DSE: variants seen among roughly 807,000 people sequenced by gnomAD.
DSE encodes dermatan sulfate epimerase.
A neutral mutation model predicts 84.4 loss-of-function variants in DSE; 36 were observed. That is an observed-to-expected ratio of 0.43 (90% CI 0.33 to 0.56). The LOEUF (loss-of-function observed/expected upper bound fraction) is 0.56, where lower values mean the gene tolerates loss of function less well. DSE is among the 20% of genes least tolerant of loss of function. The probability of loss-of-function intolerance (pLI) is 0.06; values close to 1 mark genes in which losing one functional copy is unlikely to be tolerated. For synonymous variants in DSE, 410 were observed against 430.1 expected, an observed-to-expected ratio of 0.95 and a Z score of 0.58; for missense variants, 862 against 1,169.6, an observed-to-expected ratio of 0.74 and a Z score of 3.84.
chr6:116,407,600 G>A (rs1782017694), intron 2 of DSE, among the ~76,000 whole-genome samples: 1 of 152,052 alleles, frequency 6.6e-6, no homozygotes, highest in Non-Finnish European at 1.5e-5. Context: ...TTCTTGTTCT[G>A]TGGCTTCACT....
chr6:116,371,907 G>T (rs540678513), intron 1 of DSE, among the ~76,000 whole-genome samples: 1 of 152,304 alleles, frequency 6.6e-6, no homozygotes, highest in South Asian at 2.1e-4. Context: ...TCTTAAGCCG[G>T]CTGGCATTCA....
At chr6:116,363,493 T>C (rs1270704448) in intron 2 of DSE, among the ~76,000 whole-genome samples, 2 of 152,138 alleles carry the variant, frequency 1.3e-5, no homozygotes, top group Non-Finnish European at 2.9e-5. Flanking sequence ...TCTTGTATAA[T>C]AACAGGAAAT....
chr6:116,375,919 G>C (rs796218392), intron 1 of DSE, among the ~76,000 whole-genome samples: 2 of 152,068 alleles, frequency 1.3e-5, no homozygotes, highest in African/African-American at 4.8e-5. Flanking sequence ...AAATACTAAA[G>C]GTAAAAGACT....
chr6:116,357,764 G>A, intron 2 of DSE, among the ~76,000 whole-genome samples: 1 of 152,108 alleles, frequency 6.6e-6, no homozygotes, highest in East Asian at 1.9e-4. Flanking sequence ...ATGATTCCAA[G>A]CCAGTTGAGA....
intron 5 of DSE, among the ~76,000 whole-genome samples, chr6:116,434,021 T>G (rs1267812148): frequency 6.6e-6 from 1 of 152,158 alleles, no homozygotes; most frequent in East Asian, 1.9e-4. Flanking sequence ...GGTAGTAAAA[T>G]ATTTTGTTTT....
At chr6:116,434,370 A>G (rs1165800782) in intron 5 of DSE, among the ~76,000 whole-genome samples, 5 of 152,138 alleles carry the variant, frequency 3.3e-5, no homozygotes, top group South Asian at 2.1e-4. Context: ...TTCAAAATAC[A>G]AAAAAATTAA....
intron 2 of DSE, chr6:116,288,063 A>G (rs944426556): frequency 6.6e-6 from 1 of 152,082 alleles, no homozygotes; most frequent in African/African-American, 2.4e-5. Context: ...GATGGCTCCA[A>G]TACTCAAATT....
intron 2 of DSE, among the ~76,000 whole-genome samples, chr6:116,410,345 A>G (rs1002206338): frequency 2.0e-5 from 3 of 152,132 alleles, no homozygotes; most frequent in African/African-American, 7.2e-5. Flanking sequence ...TACAGGCGTC[A>G]TGTCCTTGTG....
intron 2 of DSE, among the ~76,000 whole-genome samples, chr6:116,415,501 A>G (rs1031825011): frequency 1.4e-5 from 2 of 147,648 alleles, no homozygotes; most frequent in African/African-American, 5.0e-5. Flanking sequence ...ATTTTCCTTG[A>G]TATATTTGGA....
At chr6:116,279,063 C>T in intron 2 of DSE, 2 of 1,613,384 alleles carry the variant, frequency 1.2e-6, no homozygotes, top group Non-Finnish European at 1.7e-6. Flanking sequence ...TCCGCCCAAA[C>T]TTGTGCTCCA....
intron 2 of DSE, chr6:116,277,381 T>C (rs1326644335): frequency 6.5e-6 from 1 of 152,688 alleles, no homozygotes; most frequent in Non-Finnish European, 1.5e-5. Context: ...CAGTCTTCAC[T>C]CTAGGCCCAA....
At position 116,271,807 on chromosome 6, in the gene DSE, C is replaced by G. The variant is rs1436345149; in HGVS notation, c.-54+12840C>G. On this transcript the variant is annotated intron_variant, in intron 2 of 3. Transcript: ENST00000430252. Reference sequence around the variant, plus strand: ...AATGAAGTTCTATTTTTTAAATTATCAATAATATTTTAAAATCTATTTATT... The same window carrying G: ...AATGAAGTTCTATTTTTTAAATTATGAATAATATTTTAAAATCTATTTATT... Among the ~76,000 whole-genome samples the G allele has an allele frequency of 4.6e-5, 7 of 151,980 alleles. No individual in the cohort carries two copies. In the East Asian group the frequency reaches 1.3e-3, roughly 29 times the overall value.
intron 2 of DSE, among the ~76,000 whole-genome samples, chr6:116,346,335 A>C (rs1250365154): frequency 6.6e-6 from 1 of 152,214 alleles, no homozygotes; most frequent in Admixed American, 6.5e-5. Context: ...ATTTTAGACC[A>C]ATATCCCTGA....
intron 2 of DSE, among the ~76,000 whole-genome samples, chr6:116,293,270 CTTTTTTTCTTT>C (rs1774411969): frequency 7.7e-6 from 1 of 130,648 alleles, no homozygotes; most frequent in East Asian, 3.4e-4. Flanking sequence ...TTTTCCTTTT[CTTTTTTTCTTT>C]TTTTTTTTTG....
chr6:116,425,771 C>T (rs963615302), intron 2 of DSE, among the ~76,000 whole-genome samples: 2 of 151,274 alleles, frequency 1.3e-5, no homozygotes, highest in Admixed American at 6.6e-5. Flanking sequence ...TACAGGCGCC[C>T]GCCAACACGC....
chr6:116,422,743 G>A (rs1448115972), intron 2 of DSE, among the ~76,000 whole-genome samples: 12 of 152,204 alleles, frequency 7.9e-5, no homozygotes, highest in Non-Finnish European at 5.9e-5. Flanking sequence ...TACTAGGGCA[G>A]TTTAGTGCCC....
intron 2 of DSE, among the ~76,000 whole-genome samples, chr6:116,415,849 G>A (rs1301357416): frequency 1.3e-5 from 2 of 152,028 alleles, no homozygotes; most frequent in Admixed American, 6.6e-5. Context: ...CAAATCTCTG[G>A]TAGTCCTTGA....
intron 1 of DSE, among the ~76,000 whole-genome samples, chr6:116,381,721 C>T (rs528660280): frequency 1.3e-5 from 2 of 152,164 alleles, no homozygotes; most frequent in South Asian, 4.2e-4. Flanking sequence ...CTTTATTGTT[C>T]ATTGGTGTAG....
intron 1 of DSE, among the ~76,000 whole-genome samples, chr6:116,385,619 G>C (rs1378392792): frequency 1.3e-5 from 2 of 152,130 alleles, no homozygotes; most frequent in Non-Finnish European, 2.9e-5. Context: ...CTACGTCTTT[G>C]GGTTAACTAC....
Sources: gnomAD v4.1 joint callset for allele counts (sites outside exome capture counted in the v4.1 genomes callset) on GRCh38, gnomAD v4.1.1 for gene constraint, MANE v1.5 for transcripts, NCBI Gene and HGNC (gene_info 2026-07-23, HGNC 2026-07-21) for gene names.